NCALD: variants seen among roughly 807,000 people sequenced by gnomAD.
The protein encoded by NCALD is neurocalcin-delta.
A neutral mutation model predicts 18.6 loss-of-function variants in NCALD; 10 were observed. That is an observed-to-expected ratio of 0.54 (90% CI 0.33 to 0.91). The LOEUF (loss-of-function observed/expected upper bound fraction) is 0.91. NCALD is among the 40% of genes least tolerant of loss of function. NCALD has a pLI of 0.03. For synonymous variants in NCALD, 88 were observed against 87.4 expected (o/e 1.01, Z -0.04); for missense variants, 184 against 247.6 (o/e 0.74, Z 1.72).
At chr8:101,828,096 T>C (rs920417138) in intron 4 of NCALD, among the ~76,000 whole-genome samples, 7 of 152,214 alleles carry the variant, frequency 4.6e-5, no homozygotes, top group South Asian at 2.1e-4. Context: ...TTGTGCCGTT[T>C]CTCACCTTGA....
chr8:101,695,811 C>T (rs1319399518), intron 2 of NCALD, among the ~76,000 whole-genome samples: 6 of 152,088 alleles, frequency 3.9e-5, no homozygotes, highest in Non-Finnish European at 8.8e-5. Context: ...CTGATAGTAC[C>T]TAACATAGGG....
intron 1 of NCALD, among the ~76,000 whole-genome samples, chr8:102,043,432 C>T (rs1229130854): frequency 1.3e-5 from 2 of 151,596 alleles, no homozygotes; most frequent in African/African-American, 2.4e-5. Context: ...CTTCTGTATT[C>T]TTGACTAAAC....
chr8:101,692,455 C>A (rs181153892), intron 3 of NCALD: 2 of 985,438 alleles, frequency 2.0e-6, no homozygotes, highest in East Asian at 2.3e-4. Context: ...TGCAGGGACC[C>A]AGCCTGCTAT....
intron 1 of NCALD, among the ~76,000 whole-genome samples, chr8:102,072,215 A>C (rs1474038065): frequency 1.3e-5 from 2 of 152,196 alleles, no homozygotes; most frequent in Non-Finnish European, 2.9e-5. Context: ...AACATGCCTC[A>C]TTAAAATCAC....
intron 1 of NCALD, among the ~76,000 whole-genome samples, chr8:102,045,334 C>T (rs1170617458): frequency 1.3e-5 from 2 of 152,186 alleles, no homozygotes; most frequent in African/African-American, 2.4e-5. Context: ...GGGAACTGCA[C>T]TTTAACCTCA....
chr8:101,889,850 T>C (rs7005622), intron 3 of NCALD, among the ~76,000 whole-genome samples: 10,275 of 152,238 alleles, frequency 0.067, 721 homozygotes, highest in African/African-American at 0.18. Context: ...AAGGAGGAAC[T>C]ATACCCAAAG....
Position 101,961,986 on chromosome 8 carries a change from A to C in NCALD, c.-156-46128T>G, listed in dbSNP as rs139823691. On this transcript the variant is annotated intron_variant, in intron 2 of 6. Transcript: ENST00000311028. Reference sequence around the variant, plus strand: ...ATATTTAGTGAAATTTCAAAACCCTAGATGAAAATCTACAGTCCAAGAGAC... The same window carrying C: ...ATATTTAGTGAAATTTCAAAACCCTCGATGAAAATCTACAGTCCAAGAGAC... Among the ~76,000 whole-genome samples, 5 of 152,328 alleles carry C rather than the reference A, an allele frequency of 3.3e-5. No individual in the cohort carries two copies. In the East Asian group the frequency reaches 9.6e-4, roughly 29 times the overall value.
At chr8:101,964,610 C>T (rs187874706) in intron 2 of NCALD, among the ~76,000 whole-genome samples, 2 of 152,266 alleles carry the variant, frequency 1.3e-5, no homozygotes, top group East Asian at 3.9e-4. Flanking sequence ...TTTCCCATAA[C>T]CCAGAGACTT....
intron 2 of NCALD, among the ~76,000 whole-genome samples, chr8:101,945,938 C>T (rs970495376): frequency 6.6e-6 from 1 of 152,178 alleles, no homozygotes; most frequent in Non-Finnish European, 1.5e-5. Flanking sequence ...CATTTAGAAA[C>T]GGGCTCCAGA....
Position 101,909,242 on chromosome 8 carries a change from G to A in NCALD, c.-107+6567C>T, listed in dbSNP as rs114484546. 7.2e-3 allele frequency among the ~76,000 whole-genome samples: 1,091 copies of A among 152,156 alleles called. 11 individuals carry two copies. Among genetic ancestry groups the A allele is most frequent in the African/African-American group, 0.024 (1,004 of 41,500 alleles). On this transcript the variant is annotated intron_variant, in intron 3 of 6. Coordinates refer to the NCALD transcript ENST00000311028. ...CAAATAAAAGCCAATTCAATTTTTCGACCACATTTGTTGTAATTTTGTCTT... is the reference window on the plus strand; with the variant it reads ...CAAATAAAAGCCAATTCAATTTTTCAACCACATTTGTTGTAATTTTGTCTT...
rs146941117 is a variant in NCALD, at chr8:101,939,804, G to A, written c.-156-23946C>T. ...ACCATTGGTGAGGTATTTCCCATCT[G>A]ATAATGTCTTTTGATCCTCCCAACA... On this transcript the variant is annotated intron_variant, in intron 2 of 6. Coordinates refer to the NCALD transcript ENST00000311028. 1.8e-3 allele frequency among the ~76,000 whole-genome samples: 278 copies of A among 152,312 alleles called. 2 individuals are homozygous for A. The highest frequency in any genetic ancestry group is 0.017 in the Admixed American group (258 of 15,308).
intron 1 of NCALD, among the ~76,000 whole-genome samples, chr8:101,735,512 G>T (rs2130635395): frequency 6.6e-6 from 1 of 152,234 alleles, no homozygotes; most frequent in African/African-American, 2.4e-5. Flanking sequence ...GCTCATTAAA[G>T]TTGTCATATA....
chr8:101,719,678 T>C (rs1421883185), intron 1 of NCALD, 30 bp from the exon 2 acceptor site: 3 of 1,516,388 alleles, frequency 2.0e-6, no homozygotes, highest in African/African-American at 1.4e-5. Flanking sequence ...CATATATAAT[T>C]TGTAGAGCTG....
At chr8:102,001,220 G>A (rs1251116077) in intron 2 of NCALD, among the ~76,000 whole-genome samples, 1 of 152,194 alleles carries the variant, frequency 6.6e-6, no homozygotes, top group Non-Finnish European at 1.5e-5. Flanking sequence ...CGAGAACTAC[G>A]TGATGAACGC....
chr8:102,091,711 C>A (rs751227273), intron 1 of NCALD, among the ~76,000 whole-genome samples: 1 of 152,134 alleles, frequency 6.6e-6, no homozygotes, highest in Non-Finnish European at 1.5e-5. Context: ...TTTCTTAAAT[C>A]GAACAATTAT....
At position 102,062,713 on chromosome 8, in the gene NCALD, G is replaced by GAGGT. The variant is rs1221502126; in HGVS notation, c.-209-42425_-209-42424insACCT. On this transcript the variant is annotated intron_variant, in intron 1 of 6. Coordinates refer to the NCALD transcript ENST00000311028. The stretch of plus-strand genomic sequence containing the variant: ...GGATTCAGATAGGCTCTACATGTCT[G>GAGGT]TCATCCTCTTTGAACCAACAGCATT... Among the ~76,000 whole-genome samples, 4 of 152,198 alleles carry GAGGT rather than the reference G, an allele frequency of 2.6e-5. No homozygotes were observed. In the East Asian group the frequency reaches 7.7e-4, roughly 29 times the overall value.
At chr8:101,727,408 C>A (rs1265324759) in intron 1 of NCALD, among the ~76,000 whole-genome samples, 1 of 152,214 alleles carries the variant, frequency 6.6e-6, no homozygotes, top group East Asian at 1.9e-4. Flanking sequence ...ACTCCCTACT[C>A]CTTGCCCCAA....
chr8:101,753,724 G>A (rs112031347), intron 1 of NCALD, among the ~76,000 whole-genome samples: 3,781 of 152,194 alleles, frequency 0.025, 155 homozygotes, highest in African/African-American at 0.086. Flanking sequence ...CGTCTAGTGC[G>A]TGGTGTGGTG....
intron 1 of NCALD, among the ~76,000 whole-genome samples, chr8:102,024,053 T>C (rs1165201631): frequency 1.3e-5 from 2 of 152,222 alleles, no homozygotes; most frequent in Non-Finnish European, 2.9e-5. Context: ...CTAATCCTTG[T>C]TGCTCTTTTG....
Sources: gnomAD v4.1 joint callset for allele counts (sites outside exome capture counted in the v4.1 genomes callset) on GRCh38, gnomAD v4.1.1 for gene constraint, MANE v1.5 for transcripts, NCBI Gene and HGNC (gene_info 2026-07-23, HGNC 2026-07-21) for gene names.